The following ZBTB7C variants were observed in gnomAD, a reference collection of about 807,000 sequenced individuals.
The protein encoded by ZBTB7C is zinc finger and BTB domain containing 7C, also known as zinc finger and BTB domain-containing protein 7C.
In ZBTB7C, 8 loss-of-function variants were observed where a neutral mutation model predicts 25.7. The ratio of observed to expected loss-of-function variants is 0.31; its 90% CI spans 0.18 to 0.56. The LOEUF is 0.56. Ranked by LOEUF, ZBTB7C falls within the 20% of genes least tolerant of loss-of-function variation. ZBTB7C has a pLI of 0.91. For synonymous variants in ZBTB7C, 394 were observed against 369.0 expected (o/e 1.07, Z -0.78); for missense variants, 824 against 855.2 (o/e 0.96, Z 0.46).
intron 2 of ZBTB7C, among the ~76,000 whole-genome samples, chr18:48,321,446 C>G (rs995575465): frequency 2.0e-4 from 30 of 152,286 alleles, no homozygotes; most frequent in Middle Eastern, 3.4e-3. Flanking sequence ...TTTTGCAGGA[C>G]CGCCTCGCAG....
At chr18:48,380,172 A>G (rs2047603606) in intron 1 of ZBTB7C, among the ~76,000 whole-genome samples, 1 of 152,218 alleles carries the variant, frequency 6.6e-6, no homozygotes, top group Admixed American at 6.5e-5. Flanking sequence ...CTCACTGAAG[A>G]GGTCAGGGAA....
chr18:48,347,767 T>C (rs998675831), intron 1 of ZBTB7C, among the ~76,000 whole-genome samples: 6 of 152,186 alleles, frequency 3.9e-5, no homozygotes, highest in African/African-American at 9.6e-5. Flanking sequence ...ATTGGAGTTT[T>C]CCAGCAGGGA....
intron 3 of ZBTB7C, among the ~76,000 whole-genome samples, chr18:48,154,192 C>A (rs1196168487): frequency 6.6e-6 from 1 of 152,162 alleles, no homozygotes; most frequent in Non-Finnish European, 1.5e-5. Context: ...CAGGCGTGAC[C>A]AGGGGTCAGG....
Position 48,405,697 on chromosome 18 carries a change from C to T in ZBTB7C, c.-304+3529G>A, listed in dbSNP as rs1220955587. Among the ~76,000 whole-genome samples, 3 of 152,124 alleles carry T rather than the reference C, an allele frequency of 2.0e-5. No homozygotes were observed. In the South Asian group the frequency reaches 6.2e-4, roughly 32 times the overall value. ...GCTGCACACAGGCTGGGGTTCACTC[C>T]GGTACCCTCCCTGCAGGATGCTGCA... On this transcript the variant is annotated intron_variant, in intron 1 of 4. Transcript: ENST00000590800.
intron 3 of ZBTB7C, among the ~76,000 whole-genome samples, chr18:48,042,536 C>T (rs550667790): frequency 2.6e-5 from 4 of 152,308 alleles, no homozygotes; most frequent in African/African-American, 9.6e-5. Context: ...CCTGGGAAGG[C>T]AGAGGCAGGG....
At chr18:48,235,076 A>G (rs1380048559) in intron 2 of ZBTB7C, among the ~76,000 whole-genome samples, 1 of 152,166 alleles carries the variant, frequency 6.6e-6, no homozygotes, top group Non-Finnish European at 1.5e-5. Context: ...TTGTCTCTTA[A>G]AACTGCAGAC....
intron 3 of ZBTB7C, among the ~76,000 whole-genome samples, chr18:48,065,725 T>A (rs930615972): frequency 6.6e-6 from 1 of 152,170 alleles, no homozygotes; most frequent in African/African-American, 2.4e-5. Flanking sequence ...GCCCTGGCTC[T>A]GGTGTGAAGC....
chr18:48,251,950 T>G (rs2144441418), intron 2 of ZBTB7C, among the ~76,000 whole-genome samples: 1 of 152,376 alleles, frequency 6.6e-6, no homozygotes, highest in African/African-American at 2.4e-5. Flanking sequence ...ACTTCTTGTG[T>G]GTCCACGCTC....
chr18:48,254,251 T>C lies in ZBTB7C; in HGVS notation c.-78-68256A>G, dbSNP rs901629942. On this transcript the variant is annotated intron_variant, in intron 2 of 4. Coordinates refer to ENST00000590800, the MANE Select transcript of ZBTB7C (RefSeq NM_001318841.2). ...TGGGTGAATGCCGGCAGCAAAATAC[T>C]ACCTAGGAATAGGCAAGTTCAAAAT... is the stretch of plus-strand genomic sequence containing the variant. 2.0e-5 allele frequency among the ~76,000 whole-genome samples: 3 copies of C among 152,218 alleles called. No individual in the cohort carries two copies. The East Asian group carries it at 5.8e-4, about 29-fold the overall frequency.
chr18:48,345,236 C>T (rs914098896), intron 1 of ZBTB7C, among the ~76,000 whole-genome samples: 2 of 152,166 alleles, frequency 1.3e-5, no homozygotes, highest in Non-Finnish European at 2.9e-5. Flanking sequence ...TAAGAAGCTG[C>T]AGTAGGTGTG....
chr18:48,273,549 A>T (rs1340124649), intron 2 of ZBTB7C, among the ~76,000 whole-genome samples: 1 of 152,196 alleles, frequency 6.6e-6, no homozygotes, highest in Admixed American at 6.5e-5. Context: ...ATTAGTAAAA[A>T]CTACATAATA....
At chr18:48,392,939 A>G (rs1349826200) in intron 1 of ZBTB7C, among the ~76,000 whole-genome samples, 1 of 152,154 alleles carries the variant, frequency 6.6e-6, no homozygotes, top group African/African-American at 2.4e-5. Flanking sequence ...GAGTGTCCCT[A>G]GACCTCTTAC....
chr18:48,087,544 G>A (rs1412356657), intron 3 of ZBTB7C: 1 of 152,178 alleles, frequency 6.6e-6, no homozygotes, highest in Non-Finnish European at 1.5e-5. Flanking sequence ...CACGCCTGGG[G>A]AGGCTGAGGC....
chr18:48,158,873 G>A (rs935653393), intron 3 of ZBTB7C, among the ~76,000 whole-genome samples: 2 of 152,178 alleles, frequency 1.3e-5, no homozygotes, highest in African/African-American at 2.4e-5. Flanking sequence ...GCATGAAGCC[G>A]CTGGGGGAAG....
intron 2 of ZBTB7C, among the ~76,000 whole-genome samples, chr18:48,221,827 A>G (rs1228798689): frequency 7.2e-6 from 1 of 139,386 alleles, no homozygotes; most frequent in African/African-American, 2.7e-5. Flanking sequence ...GTCTCCCTCT[A>G]TGCTGTCCTA....
chr18:48,322,123 C>T (rs150301530), intron 2 of ZBTB7C, among the ~76,000 whole-genome samples: 1,870 of 152,316 alleles, frequency 0.012, 17 homozygotes, highest in South Asian at 0.025. Context: ...TCCTAGCTTC[C>T]TCCTGCCCCT....
At chr18:48,189,153 G>A (rs16948820) in intron 2 of ZBTB7C, among the ~76,000 whole-genome samples, 18,726 of 152,236 alleles carry the variant, frequency 0.12, 1,527 homozygotes, top group Admixed American at 0.24. Context: ...CCTGCCCAGG[G>A]CACAAAGCAT....
intron 1 of ZBTB7C, among the ~76,000 whole-genome samples, chr18:48,372,491 C>G (rs1384389970): frequency 6.6e-6 from 1 of 152,190 alleles, no homozygotes; most frequent in Non-Finnish European, 1.5e-5. Flanking sequence ...TTTCTCCTCC[C>G]TGCCATTGTG....
chr18:48,268,958 C>CTTTTTTTTTT (rs140699441), intron 2 of ZBTB7C, among the ~76,000 whole-genome samples: 4 of 118,996 alleles, frequency 3.4e-5, no homozygotes, highest in African/African-American at 6.4e-5. Context: ...TGCTCTGTTT[C>CTTTTTTTTTT]TTTTTTTTTT....
Sources: allele counts gnomAD v4.1 joint callset (sites outside exome capture counted in the v4.1 genomes callset), GRCh38; gene constraint gnomAD v4.1.1; transcripts MANE v1.5; gene names NCBI Gene and HGNC (gene_info 2026-07-23, HGNC 2026-07-21).